Variants in STK24 observed in about 807,000 individuals in gnomAD.
STK24 encodes serine/threonine kinase 24.
STK24 carries 21 observed loss-of-function variants against 55.6 expected under a neutral mutation model. The ratio of observed to expected loss-of-function variants is 0.38; its 90% CI spans 0.27 to 0.54. STK24 has a LOEUF of 0.54. Among genes scored for constraint, STK24 ranks in the 20% least tolerant of loss-of-function variants. The pLI, the probability that STK24 is intolerant of heterozygous loss-of-function variation, is 0.79. For missense variants in STK24, 383 were observed against 538.4 expected, an observed-to-expected ratio of 0.71 and a Z score of 2.86; for synonymous variants, 200 against 215.2, an observed-to-expected ratio of 0.93 and a Z score of 0.62.
chr13:98,448,681 CTTTCT>C lies in STK24; in HGVS notation c.*4487_*4491del, dbSNP rs547052513. On this transcript the variant is annotated 3_prime_UTR_variant, in exon 11 of 11. Coordinates refer to ENST00000539966, the MANE Select transcript of STK24 (RefSeq NM_001032296.4). ...AGTGTTTTTCTTCCTAAAAAAAGTT[CTTTCT>C]TTTATTATTTTCACCTATTGGCTGC... 2.0e-3 allele frequency: 367 copies of C among 183,192 alleles called. 2 individuals carry two copies. Among genetic ancestry groups the C allele is most frequent in the South Asian group, 9.4e-3 (62 of 6,584 alleles). 11.3% of individuals were successfully genotyped at this position (183,192 alleles called of 1,614,324 possible). A position where few individuals can be genotyped will look rare whatever the true frequency, so the allele number is the denominator to read the frequency against.
chr13:98,563,823 G>A (rs2139455887), intron 1 of STK24, among the ~76,000 whole-genome samples: 1 of 151,104 alleles, frequency 6.6e-6, no homozygotes, highest in Non-Finnish European at 1.5e-5. Flanking sequence ...TCGCGCCACT[G>A]CACTCCAGCC....
At chr13:98,572,318 C>G (rs1188707838) in intron 1 of STK24, among the ~76,000 whole-genome samples, 3 of 152,096 alleles carry the variant, frequency 2.0e-5, no homozygotes, top group African/African-American at 7.3e-5. Flanking sequence ...AGGTGCTCTC[C>G]GAACCCACGT....
chr13:98,523,278 C>T (rs1437428828), intron 1 of STK24, among the ~76,000 whole-genome samples: 1 of 152,186 alleles, frequency 6.6e-6, no homozygotes, highest in African/African-American at 2.4e-5. Context: ...CTAAGAGTGG[C>T]CTTTCCTTTC....
intron 5 of STK24, among the ~76,000 whole-genome samples, chr13:98,469,036 C>T (rs760163673): frequency 1.3e-5 from 2 of 152,242 alleles, no homozygotes; most frequent in African/African-American, 4.8e-5. Flanking sequence ...GTCGGTGATG[C>T]GCTTGCCTTG....
At chr13:98,479,296 T>C (rs772312121) in intron 3 of STK24, among the ~76,000 whole-genome samples, 1 of 152,226 alleles carries the variant, frequency 6.6e-6, no homozygotes, top group Non-Finnish European at 1.5e-5. Context: ...TATTTTAAAT[T>C]TTTTTAAATC....
At chr13:98,544,942 C>T (rs768959531) in intron 1 of STK24, among the ~76,000 whole-genome samples, 11 of 152,012 alleles carry the variant, frequency 7.2e-5, no homozygotes, top group Middle Eastern at 3.2e-3. Flanking sequence ...AGAATGGAAG[C>T]GCTAAAAAGA....
At chr13:98,566,152 T>C (rs915615113) in intron 1 of STK24, among the ~76,000 whole-genome samples, 2 of 152,186 alleles carry the variant, frequency 1.3e-5, no homozygotes, top group African/African-American at 4.8e-5. Context: ...CGCCAGGCTA[T>C]GGGGGAAGGA....
At chr13:98,515,496 C>T (rs1266167358) in intron 2 of STK24, among the ~76,000 whole-genome samples, 1 of 151,820 alleles carries the variant, frequency 6.6e-6, no homozygotes, top group Admixed American at 6.6e-5. Context: ...CCTTTCCAGG[C>T]CTCAGATCCA....
chr13:98,503,633 A>C (rs1395487510), intron 2 of STK24, among the ~76,000 whole-genome samples: 1 of 152,246 alleles, frequency 6.6e-6, no homozygotes. Context: ...AGAACCAGGA[A>C]TGACCTTTCT....
intron 1 of STK24, among the ~76,000 whole-genome samples, chr13:98,528,741 G>A (rs1158797944): frequency 6.6e-6 from 1 of 152,204 alleles, no homozygotes; most frequent in Non-Finnish European, 1.5e-5. Context: ...AGCTCCAAAT[G>A]TACCACTTGC....
intron 1 of STK24, among the ~76,000 whole-genome samples, chr13:98,543,604 G>C (rs1358927041): frequency 6.6e-6 from 1 of 152,162 alleles, no homozygotes; most frequent in Non-Finnish European, 1.5e-5. Flanking sequence ...CAGAGAGACA[G>C]AGAATACAGA....
Position 98,446,524 on chromosome 13 carries a change from G to T in STK24, c.*6649C>A. On this transcript the variant is annotated 3_prime_UTR_variant, in exon 11 of 11. Transcript: ENST00000539966. ...GGGCCATCACGTACAGGCAAACACT[G>T]GCTGCCATGGTCCCTTCCAGGCCCA... 1.2e-6 allele frequency: 1 copy of T among 820,162 alleles called. No individual in the cohort carries two copies. Among genetic ancestry groups the T allele is most frequent in the South Asian group, 1.7e-5 (1 of 60,482 alleles). The allele number at this position is 820,162 out of a possible 1,614,324, so 50.8% of individuals were successfully genotyped here.
In STK24 at chr13:98,519,390, A is replaced by G. The variant is rs751226102; in HGVS notation, c.126T>C (p.Ile42=). 6.2e-7 allele frequency: 1 copy of G among 1,614,236 alleles called. No individual in the cohort carries two copies. The highest frequency in any genetic ancestry group is 1.1e-5 in the South Asian group (1 of 91,086). ...CAACCACTTTCTGAGTCCGATTGTC[A>G]ATGCCTTTGAACACCTCTCCAAAGG... ...KGSFGEVFKG[I]DNRTQKVVAI... Residue 42 remains isoleucine (I), a synonymous_variant, in exon 2 of 11, where the codon ATT becomes ATC. Coordinates refer to ENST00000539966, the MANE Select transcript of STK24 (RefSeq NM_001032296.4).
intron 7 of STK24, among the ~76,000 whole-genome samples, chr13:98,462,911 T>C (rs983994670): frequency 1.3e-5 from 2 of 152,118 alleles, no homozygotes; most frequent in African/African-American, 2.4e-5. Flanking sequence ...CCAGTCTCTT[T>C]CTCTTGTCAT....
chr13:98,542,564 A>T (rs1173208085), intron 1 of STK24, among the ~76,000 whole-genome samples: 1 of 152,178 alleles, frequency 6.6e-6, no homozygotes, highest in Non-Finnish European at 1.5e-5. Flanking sequence ...CCAGCATATA[A>T]ATATAAATGG....
intron 2 of STK24, among the ~76,000 whole-genome samples, chr13:98,482,894 G>A (rs529377862): frequency 7.2e-5 from 11 of 152,312 alleles, no homozygotes; most frequent in African/African-American, 2.6e-4. Context: ...ACCTCCCAAA[G>A]CTGCCACAGT....
At chr13:98,560,657 T>C (rs1169617384) in intron 1 of STK24, among the ~76,000 whole-genome samples, 3 of 152,124 alleles carry the variant, frequency 2.0e-5, no homozygotes, top group Admixed American at 2.0e-4. Context: ...CGTGGGTGGA[T>C]CATTTGAGGT....
In STK24 at chr13:98,565,910, G is replaced by C. The variant is rs559259679; in HGVS notation, c.42+10835C>G. ...AAAATAATCCAGGAACAAGTTTCCC[G>C]ATCAGGAGGAGTGCACAGACAGCGC... On this transcript the variant is annotated intron_variant, in intron 1 of 10. Coordinates refer to ENST00000539966, the MANE Select transcript of STK24 (RefSeq NM_001032296.4). 3.3e-5 allele frequency among the ~76,000 whole-genome samples: 5 copies of C among 152,352 alleles called. No individual in the cohort carries two copies. In the Middle Eastern group the frequency reaches 0.01, roughly 311 times the overall value.
rs1033393665 is a variant in STK24, at chr13:98,452,321, G to C, written c.*852C>G. On this transcript the variant is annotated 3_prime_UTR_variant, in exon 11 of 11. Coordinates refer to ENST00000539966, the MANE Select transcript of STK24 (RefSeq NM_001032296.4). Reference sequence around the variant, plus strand: ...ACGATTCCAAACAAATGTCAGACGAGAGCGCTTCATGGGGAGAAACTGAAA... The same window carrying C: ...ACGATTCCAAACAAATGTCAGACGACAGCGCTTCATGGGGAGAAACTGAAA... The C allele has an allele frequency of 2.0e-5, 3 of 152,506 alleles. No homozygotes were observed. Among genetic ancestry groups the C allele is most frequent in the Non-Finnish European group, 4.4e-5 (3 of 68,050 alleles). 9.4% of individuals were successfully genotyped at this position (152,506 alleles called of 1,614,324 possible). A position where few individuals can be genotyped will look rare whatever the true frequency, so the allele number is the denominator to read the frequency against.
Sources: allele counts gnomAD v4.1 joint callset (sites outside exome capture counted in the v4.1 genomes callset), GRCh38; gene constraint gnomAD v4.1.1; transcripts MANE v1.5; gene names NCBI Gene and HGNC (gene_info 2026-07-23, HGNC 2026-07-21).